Variants in SNAPC4 observed in about 807,000 individuals in gnomAD.
SNAPC4 encodes small nuclear RNA activating complex polypeptide 4, also known as snRNA-activating protein complex subunit 4.
Under a neutral mutation model 151.3 loss-of-function variants are expected in SNAPC4, and 127 were observed. The ratio of observed to expected loss-of-function variants is 0.84; its 90% CI spans 0.73 to 0.97. The LOEUF is 0.97. SNAPC4 is among the 50% of genes least tolerant of loss of function. The pLI is 0.00. For missense variants in SNAPC4, 2,186 were observed against 1,935.0 expected (o/e 1.13, Z -2.43); for synonymous variants, 1,002 against 824.4 (o/e 1.22, Z -3.69).
rs569166899 is a variant in SNAPC4 at position 136,398,183 on chromosome 9, C to T, written c.130+116G>A. The T allele has an allele frequency of 2.3e-4, 253 of 1,093,460 alleles. 7 individuals carry two copies. In the South Asian group the frequency reaches 3.8e-3, roughly 17 times the overall value. 67.7% of individuals were successfully genotyped at this position (1,093,460 alleles called of 1,614,324 possible). A position where few individuals can be genotyped will look rare whatever the true frequency, so the allele number is the denominator to read the frequency against. On this transcript the variant is annotated intron_variant, in intron 2 of 23. Transcript: ENST00000684778. ...TCAGCCTCAGGAGTCCCTGGGTTTA[C>T]AGGCCTGAGAAACCACACCCGGCTA...
chr9:136,388,775 T>G (rs374746972), intron 10 of SNAPC4, among the ~76,000 whole-genome samples, 184 bp from the exon 11 acceptor site: 21 of 152,248 alleles, frequency 1.4e-4, no homozygotes, highest in African/African-American at 5.1e-4. Context: ...AGGAAGACAA[T>G]ACACTCACTA....
intron 3 of SNAPC4, among the ~76,000 whole-genome samples, 164 bp from the exon 4 acceptor site, chr9:136,395,934 C>T (rs1020833185): frequency 3.9e-5 from 6 of 152,210 alleles, no homozygotes; most frequent in Non-Finnish European, 7.3e-5. Flanking sequence ...AGCGGGAGGG[C>T]GTCTGAGTTT....
Position 136,382,270 on chromosome 9 carries a change from C to A in SNAPC4, c.2050G>T (p.Ala684Ser), listed in dbSNP as rs780978919. The A allele has an allele frequency of 8.1e-6, 13 of 1,612,782 alleles. No homozygotes were observed. The African/African-American group carries it at 1.5e-4, about 18-fold the overall frequency. ...VLRVLRANTA[A>S]RSCTQKEQLR... is the part of the protein sequence containing the mutation. Reference sequence around the variant, plus strand: ...GGCCTCACCTGTGTGCAGCTCCGAGCAGCCGTGTTGGCCCTGAGCACCCTC... The same window carrying A: ...GGCCTCACCTGTGTGCAGCTCCGAGAAGCCGTGTTGGCCCTGAGCACCCTC... Residue 684 changes from alanine (A) to serine (S), a missense_variant, in exon 17 of 24, where the codon GCT (alanine) becomes TCT (serine). Coordinates refer to ENST00000684778, the MANE Select transcript of SNAPC4 (RefSeq NM_003086.4).
Position 136,388,429 on chromosome 9 carries a change from G to T in SNAPC4, c.1123+15C>A. 1 of 1,610,246 alleles carries T rather than the reference G, an allele frequency of 6.2e-7. No homozygotes were observed. Among genetic ancestry groups the T allele is most frequent in the African/African-American group, 1.3e-5 (1 of 75,012 alleles). On this transcript the variant is annotated intron_variant, in intron 11 of 23. Coordinates refer to ENST00000684778, the MANE Select transcript of SNAPC4 (RefSeq NM_003086.4). ...CTGTGACAGCCTGAGAGCCGTCGGG[G>T]TGGAGGGGCCTCACTTCTGCGGTAG...
rs544204038 is a variant in SNAPC4, at chr9:136,376,465, C to T, written c.4301G>A (p.Gly1434Asp). 2 of 1,613,262 alleles carry T rather than the reference C, an allele frequency of 1.2e-6. No individual in the cohort carries two copies. Among genetic ancestry groups the T allele is most frequent in the South Asian group, 1.1e-5 (1 of 91,088 alleles). Residue 1434 changes from glycine to aspartate, a missense_variant, in exon 23 of 24, where the codon GGT becomes GAT. Coordinates refer to ENST00000684778, the MANE Select transcript of SNAPC4 (RefSeq NM_003086.4). The stretch of plus-strand genomic sequence containing the variant: ...CAGGCAGGAGGAAGCAGAGCATTTA[C>T]CAGAGTCTGGGGCTCCCTGAAAGAA... ...TCPIQGAPDS[G>D]KCSASSCLDT...
rs142816469 is a variant in SNAPC4 at position 136,392,564 on chromosome 9, G to A, written c.768C>T (p.Asn256=). 395 of 1,613,886 alleles carry A rather than the reference G, an allele frequency of 2.4e-4. 2 individuals are homozygous for A. The African/African-American group carries it at 4.5e-3, about 18-fold the overall frequency. The change falls in exon 9 of 24, where the codon AAC becomes AAT. Residue 256 remains asparagine, a synonymous_variant. Coordinates refer to ENST00000684778, the MANE Select transcript of SNAPC4 (RefSeq NM_003086.4). ...NQLPEEALLG[N]RLDSHDWEKI... ...TCTCCCAGTCGTGGCTGTCCAGCCT[G>A]TTTCCCAGCAAGGCCTCTTCTGGAA...
chr9:136,393,552 C>T (rs896156616), intron 7 of SNAPC4, among the ~76,000 whole-genome samples: 5 of 152,216 alleles, frequency 3.3e-5, no homozygotes, highest in African/African-American at 9.7e-5. Flanking sequence ...TGATTATCAC[C>T]CCATCAGCAA....
chr9:136,378,235 C>A lies in SNAPC4; in HGVS notation c.3592G>T (p.Ala1198Ser). Residue 1198 changes from alanine to serine, a missense_variant, in exon 22 of 24, where the codon GCA (alanine) becomes TCA (serine). By Grantham distance (99) the Ala-to-Ser change is moderately conservative. Coordinates refer to ENST00000684778, the MANE Select transcript of SNAPC4 (RefSeq NM_003086.4). ...AGCCTCCCGGACCAAGGGGGTTCTGCTTCAGGAGGGTCAGCGTGGGAGGAC... is the reference window on the plus strand; with the variant it reads ...AGCCTCCCGGACCAAGGGGGTTCTGATTCAGGAGGGTCAGCGTGGGAGGAC... ...RTSSHADPPE[A>S]EPPWSGRLPA... 6.2e-7 allele frequency: 1 copy of A among 1,611,176 alleles called. No individual in the cohort carries two copies. The highest frequency in any genetic ancestry group is 1.1e-5 in the South Asian group (1 of 90,724).
intron 3 of SNAPC4, 23 bp from the exon 4 acceptor site, chr9:136,395,793 AT>A (rs1300751567): frequency 6.2e-7 from 1 of 1,600,956 alleles, no homozygotes; most frequent in Non-Finnish European, 8.5e-7. Flanking sequence ...CAGAAATGGC[AT>A]GTGACGAGAT....
intron 1 of SNAPC4, 191 bp from the exon 2 acceptor site, chr9:136,398,628 A>C: frequency 1.7e-6 from 1 of 577,644 alleles, no homozygotes; most frequent in South Asian, 2.1e-5. Context: ...GACCCCACAA[A>C]CTCCTGCTAT....
chr9:136,392,647 GGGCCCTCCCGGGA>G lies in SNAPC4; in HGVS notation c.737+13_737+25del. The G allele has an allele frequency of 6.2e-7, 1 of 1,613,220 alleles. No homozygotes were observed. Among genetic ancestry groups the G allele is most frequent in the Non-Finnish European group, 8.5e-7 (1 of 1,179,540 alleles). On this transcript the variant is annotated intron_variant, in intron 8 of 23. Transcript: ENST00000684778. ...CCACGCCTGGCTTGTGGGCTCCCCT[GGGCCCTCCCGGGA>G]GGCCCCCCTCACTTGATGTCCTGGA...
intron 10 of SNAPC4, among the ~76,000 whole-genome samples, chr9:136,390,537 A>G (rs1453204249): frequency 3.1e-5 from 4 of 128,226 alleles, no homozygotes; most frequent in Non-Finnish European, 6.3e-5. Context: ...CCTGGGCGAC[A>G]GAGTGAGACT....
rs375583446 is a variant in SNAPC4 at position 136,383,274 on chromosome 9, G to T, written c.1895C>A (p.Ala632Asp). ...CCTCGGGACAGGGCCGTGGGCCCTG[G>T]CAGGGACCTGCACCGGACTCGTCTC... ...GEETSPVQVPARAHGPVPRSA... is the reference protein window; with the variant it reads ...GEETSPVQVPDRAHGPVPRSA... The change falls in exon 16 of 24, where the codon GCC becomes GAC. Residue 632 changes from alanine (A) to aspartate (D), a missense_variant. By Grantham distance (126) the Ala-to-Asp change is moderately radical (BLOSUM62 -2). Coordinates refer to ENST00000684778, the MANE Select transcript of SNAPC4 (RefSeq NM_003086.4). The surrounding 1 kb of genome is among the most constrained non-coding windows in gnomAD (Gnocchi z 4.2). The T allele has an allele frequency of 1.2e-6, 2 of 1,611,672 alleles. No individual in the cohort carries two copies. Among genetic ancestry groups the T allele is most frequent in the Non-Finnish European group, 1.7e-6 (2 of 1,179,380 alleles).
intron 23 of SNAPC4, among the ~76,000 whole-genome samples, 174 bp from the exon 24 acceptor site, chr9:136,375,974 G>A (rs1393895144): frequency 2.0e-5 from 3 of 152,226 alleles, no homozygotes; most frequent in Non-Finnish European, 4.4e-5. Context: ...GGCTCCAGCA[G>A]TGAAGAGCCA....
chr9:136,384,112 C>T (rs1292939976), intron 14 of SNAPC4, 80 bp from the exon 15 acceptor site: 14 of 1,216,886 alleles, frequency 1.2e-5, no homozygotes, highest in South Asian at 4.2e-5. Flanking sequence ...CCAGGAGACT[C>T]GCCGTGGCCC....
chr9:136,394,175 A>T lies in SNAPC4; in HGVS notation c.632+74T>A, dbSNP rs895911204. On this transcript the variant is annotated intron_variant, in intron 7 of 23. Transcript: ENST00000684778. Reference sequence around the variant, plus strand: ...AGAGATCCTCCTGCCTTGGCCTCCCAAAGTGCTGGGATTCCAGGCATGAGC... The same window carrying T: ...AGAGATCCTCCTGCCTTGGCCTCCCTAAGTGCTGGGATTCCAGGCATGAGC... The T allele has an allele frequency of 2.4e-6, 3 of 1,254,748 alleles. No homozygotes were observed. In the Admixed American group the frequency reaches 5.1e-5, roughly 21 times the overall value. The allele number at this position is 1,254,748 out of a possible 1,614,324, so 77.7% of individuals were successfully genotyped here.
At chr9:136,382,121 C>G in intron 17 of SNAPC4, 48 bp from the exon 18 acceptor site, 1 of 1,560,864 alleles carries the variant, frequency 6.4e-7, no homozygotes, top group African/African-American at 1.4e-5. Context: ...GCTCGGCCCC[C>G]GGAGTGGACC....
At position 136,377,765 on chromosome 9, in the gene SNAPC4, C is replaced by T. The variant is rs746934799; in HGVS notation, c.4062G>A (p.Gln1354=). Residue 1354 remains glutamine (Q), a synonymous_variant, in exon 22 of 24, where the codon CAG becomes CAA. Transcript: ENST00000684778. ...GGAGGTAGGCCGGGTTGTCCTGGAGCTGCCCCCGCACCAGCCCCAGTGAGG... is the reference window on the plus strand; with the variant it reads ...GGAGGTAGGCCGGGTTGTCCTGGAGTTGCCCCCGCACCAGCCCCAGTGAGG... ...LQASLGLVRG[Q]LQDNPAYLLL... 1.9e-6 allele frequency: 3 copies of T among 1,611,190 alleles called. No homozygotes were observed. The highest frequency in any genetic ancestry group is 4.5e-5 in the East Asian group (2 of 44,856).
At position 136,378,513 on chromosome 9, in the gene SNAPC4, G is replaced by A. The variant is rs1451252944; in HGVS notation, c.3314C>T (p.Pro1105Leu). Residue 1105 changes from proline (P) to leucine (L), a missense_variant, in exon 22 of 24, where the codon CCC becomes CTC. Transcript: ENST00000684778. ...CAGCAGAGTGGCCAGCAGCCCTGCG[G>A]GGCCAGGGGTCCCTGCTGGCCTGGG... ...SLPRPAGTPG[P>L]AGLLATLLPP... 1.9e-6 allele frequency: 3 copies of A among 1,592,110 alleles called. No individual in the cohort carries two copies. The highest frequency in any genetic ancestry group is 1.1e-5 in the South Asian group (1 of 89,726).
Sources: allele counts gnomAD v4.1 joint callset (sites outside exome capture counted in the v4.1 genomes callset), GRCh38; gene constraint gnomAD v4.1.1; non-coding constraint Gnocchi (gnomAD v3.1); transcripts MANE v1.5; gene names NCBI Gene and HGNC (gene_info 2026-07-23, HGNC 2026-07-21).